Variants in VPS26B observed in about 807,000 individuals in gnomAD.
VPS26B encodes VPS26 retromer complex component B, also known as vacuolar protein sorting-associated protein 26B.
VPS26B carries 10 observed loss-of-function variants against 33.3 expected under a neutral mutation model. That is an observed-to-expected ratio of 0.30 (90% CI 0.19 to 0.51). The LOEUF (loss-of-function observed/expected upper bound fraction) is 0.51, where lower values mean the gene tolerates loss of function less well. Ranked by LOEUF, VPS26B falls within the 20% of genes least tolerant of loss-of-function variation. The pLI, the probability that VPS26B is intolerant of heterozygous loss-of-function variation, is 0.98. For synonymous variants in VPS26B, 190 were observed against 176.9 expected, an observed-to-expected ratio of 1.07 and a Z score of -0.59; for missense variants, 317 against 452.7, an observed-to-expected ratio of 0.70 and a Z score of 2.72.
In VPS26B at chr11:134,244,956, G is replaced by A. The variant is rs1938787084; in HGVS notation, c.740G>A (p.Arg247Gln). ...CCTACAGGAGAGTCCATCCCGATCC[G>A]GCTCTTCCTGGCCGGGTATGAGCTC... ...APVRGESIPI[R>Q]LFLAGYELTP... The change falls in exon 5 of 6, where the codon CGG becomes CAG. Residue 247 changes from arginine (R) to glutamine (Q), a missense_variant. Transcript: ENST00000281187. The surrounding 1 kb of genome is among the most constrained non-coding windows in gnomAD (Gnocchi z 4.0). 1.2e-6 allele frequency: 2 copies of A among 1,613,544 alleles called. No homozygotes were observed. Among genetic ancestry groups the A allele is most frequent in the Non-Finnish European group, 1.7e-6 (2 of 1,180,028 alleles).
intron 1 of VPS26B, among the ~76,000 whole-genome samples, chr11:134,231,431 C>T (rs1021166097): frequency 6.6e-6 from 1 of 152,142 alleles, no homozygotes; most frequent in Admixed American, 6.5e-5. Context: ...AGGCGTGGGC[C>T]GCTCAGAGGT....
chr11:134,227,279 G>A (rs1336727688), intron 1 of VPS26B, among the ~76,000 whole-genome samples: 1 of 152,226 alleles, frequency 6.6e-6, no homozygotes, highest in Admixed American at 6.5e-5. Context: ...AGAAATCCTT[G>A]CCTATTGAGC....
chr11:134,234,837 T>C, intron 1 of VPS26B, 60 bp from the exon 2 acceptor site: 4 of 1,577,360 alleles, frequency 2.5e-6, no homozygotes, highest in Non-Finnish European at 3.5e-6. Flanking sequence ...AGCCCCCTAC[T>C]CGGCCCGGTG....
intron 1 of VPS26B, among the ~76,000 whole-genome samples, chr11:134,226,757 A>G (rs975758748): frequency 6.6e-6 from 1 of 152,120 alleles, no homozygotes; most frequent in Non-Finnish European, 1.5e-5. Context: ...TTTTTCACAG[A>G]GGCAGGAAAC....
chr11:134,232,930 C>T (rs1309976649), intron 1 of VPS26B, among the ~76,000 whole-genome samples: 4 of 152,240 alleles, frequency 2.6e-5, no homozygotes, highest in South Asian at 2.1e-4. Context: ...CGGGGCTGGC[C>T]GCGGCTCCGC....
In VPS26B at chr11:134,245,361, C is replaced by T. The variant is rs1938793752; in HGVS notation, c.865-83C>T. 10 of 1,575,028 alleles carry T rather than the reference C, an allele frequency of 6.3e-6. No individual in the cohort carries two copies. The Admixed American group carries it at 1.2e-4, about 19-fold the overall frequency. On this transcript the variant is annotated intron_variant, in intron 5 of 5. Coordinates refer to ENST00000281187, the MANE Select transcript of VPS26B (RefSeq NM_052875.5). The surrounding 1 kb of genome is among the most constrained non-coding windows in gnomAD (Gnocchi z 4.7). ...GAGGAGGTCCTTGCCCGAGATTCCCCACGTCAAAGTTGGGAGCCTCTAGGA... is the reference window on the plus strand; with the variant it reads ...GAGGAGGTCCTTGCCCGAGATTCCCTACGTCAAAGTTGGGAGCCTCTAGGA...
At chr11:134,241,221 T>C (rs982565683) in intron 3 of VPS26B, among the ~76,000 whole-genome samples, 3 of 152,166 alleles carry the variant, frequency 2.0e-5, no homozygotes, top group African/African-American at 4.8e-5. Context: ...AGGATTTTCA[T>C]TGTGGCACCC....
At position 134,240,175 on chromosome 11, in the gene VPS26B, G is replaced by A; in HGVS notation, c.545+20G>A. The A allele has an allele frequency of 6.2e-7, 1 of 1,613,512 alleles. No homozygotes were observed. Among genetic ancestry groups the A allele is most frequent in the Non-Finnish European group, 8.5e-7 (1 of 1,179,588 alleles). On this transcript the variant is annotated intron_variant, in intron 3 of 5. Transcript: ENST00000281187. The surrounding 1 kb of genome is among the most constrained non-coding windows in gnomAD (Gnocchi z 4.4). ...ATCCAAGTAAGTGTCTCAGTGCCAA[G>A]GTTGTGAAATGATTATTTAAGGAGG...
At chr11:134,242,850 G>A (rs1353383602) in intron 3 of VPS26B, among the ~76,000 whole-genome samples, 2 of 152,246 alleles carry the variant, frequency 1.3e-5, no homozygotes, top group Non-Finnish European at 2.9e-5. Context: ...GCATGCTGGG[G>A]AGATAGAGCA....
At chr11:134,229,751 C>G (rs1938531542) in intron 1 of VPS26B, among the ~76,000 whole-genome samples, 1 of 152,106 alleles carries the variant, frequency 6.6e-6, no homozygotes, top group Non-Finnish European at 1.5e-5. Context: ...GTCTTCCTCC[C>G]CTTTCAGGTC....
intron 1 of VPS26B, among the ~76,000 whole-genome samples, chr11:134,232,270 C>G (rs1365266127): frequency 6.7e-6 from 1 of 149,438 alleles, no homozygotes; most frequent in Non-Finnish European, 1.5e-5. Context: ...GGGCCCAGAC[C>G]TCTCGTGAGA....
Position 134,241,424 on chromosome 11 carries a change from C to T in VPS26B, c.545+1269C>T, listed in dbSNP as rs900111540. ...GCCCCAGGAAAATGACCAGTGTGAC[C>T]CAGAATTGGCTCTGCCTCGCCTAAG... On this transcript the variant is annotated intron_variant, in intron 3 of 5. Transcript: ENST00000281187. Among the ~76,000 whole-genome samples the T allele has an allele frequency of 2.6e-5, 4 of 152,184 alleles. No homozygotes were observed. The South Asian group carries it at 8.3e-4, about 32-fold the overall frequency.
At chr11:134,239,102 C>T (rs183757795) in intron 2 of VPS26B, among the ~76,000 whole-genome samples, 25 of 152,290 alleles carry the variant, frequency 1.6e-4, no homozygotes, top group African/African-American at 6.0e-4. Flanking sequence ...TGGCGGGCCA[C>T]AGAGGGCAGC....
At position 134,239,170 on chromosome 11, in the gene VPS26B, G is replaced by A. The variant is rs188083567; in HGVS notation, c.381-821G>A. 2.0e-4 allele frequency among the ~76,000 whole-genome samples: 30 copies of A among 152,160 alleles called. No individual in the cohort carries two copies. In the East Asian group the frequency reaches 5.2e-3, roughly 26 times the overall value. On this transcript the variant is annotated intron_variant, in intron 2 of 5. Coordinates refer to ENST00000281187, the MANE Select transcript of VPS26B (RefSeq NM_052875.5). ...TCTCTCTCATCCCCTCCACAGCAGC[G>A]TCCTCCCCAGGGATCCTAGGTTCAG...
At chr11:134,234,592 G>T in intron 1 of VPS26B, among the ~76,000 whole-genome samples, 1 of 152,172 alleles carries the variant, frequency 6.6e-6, no homozygotes, top group East Asian at 1.9e-4. Context: ...AAGAAGTGTG[G>T]CATTTCTTAT....
chr11:134,244,472 TAGTG>T lies in VPS26B; in HGVS notation c.722-463_722-460del, dbSNP rs1938780037. 6.5e-6 allele frequency: 1 copy of T among 153,434 alleles called. No individual in the cohort carries two copies. Among genetic ancestry groups the T allele is most frequent in the African/African-American group, 2.4e-5 (1 of 41,454 alleles). The allele number at this position is 153,434 out of a possible 1,614,324, so 9.5% of individuals were successfully genotyped here. A position where few individuals can be genotyped will look rare whatever the true frequency, so the allele number is the denominator to read the frequency against. On this transcript the variant is annotated intron_variant, in intron 4 of 5. Coordinates refer to ENST00000281187, the MANE Select transcript of VPS26B (RefSeq NM_052875.5). This position sits in a 1 kb window ranked among gnomAD's most constrained non-coding sequence, Gnocchi z 4.0. ...AGCGGTTCTTGCAGAACTGAGGCCA[TAGTG>T]AGGACTTTCTGCTTTCCACCATACC...
chr11:134,244,708 C>G lies in VPS26B; in HGVS notation c.722-230C>G, dbSNP rs1938783836. ...CCTGTGCTGTTCCCACTCAGTTGCT[C>G]TCTGTTTTCGAGAAGACATGAGAAG... On this transcript the variant is annotated intron_variant, in intron 4 of 5. Transcript: ENST00000281187. The surrounding 1 kb of genome is among the most constrained non-coding windows in gnomAD (Gnocchi z 4.0). 5 of 527,038 alleles carry G rather than the reference C, an allele frequency of 9.5e-6. No individual in the cohort carries two copies. Among genetic ancestry groups the G allele is most frequent in the Non-Finnish European group, 1.3e-5 (4 of 299,624 alleles). The allele number at this position is 527,038 out of a possible 1,614,324, so 32.6% of individuals were successfully genotyped here. A position where few individuals can be genotyped will look rare whatever the true frequency, so the allele number is the denominator to read the frequency against.
intron 2 of VPS26B, chr11:134,239,768 G>T (rs540147724): frequency 5.0e-4 from 276 of 548,416 alleles, no homozygotes; most frequent in Non-Finnish European, 8.2e-4. Flanking sequence ...TTTGGGGGAA[G>T]GGTCTTTGAA....
At chr11:134,239,711 C>T (rs1198011974) in intron 2 of VPS26B, 8 of 441,250 alleles carry the variant, frequency 1.8e-5, no homozygotes, top group South Asian at 4.5e-5. Flanking sequence ...AATCACTTTC[C>T]CTTACAGCAG....
Sources: gnomAD v4.1 joint callset for allele counts (sites outside exome capture counted in the v4.1 genomes callset) on GRCh38, gnomAD v4.1.1 for gene constraint, Gnocchi (gnomAD v3.1) non-coding constraint, MANE v1.5 for transcripts, NCBI Gene and HGNC (gene_info 2026-07-23, HGNC 2026-07-21) for gene names.